The following COP1 variants were observed in gnomAD, a reference collection of about 807,000 sequenced individuals.
The protein encoded by COP1 is COP1 E3 ubiquitin ligase, also known as E3 ubiquitin-protein ligase COP1.
COP1 carries 24 observed loss-of-function variants against 101.3 expected under a neutral mutation model. The ratio of observed to expected loss-of-function variants is 0.24; its 90% CI spans 0.17 to 0.33. The LOEUF (loss-of-function observed/expected upper bound fraction) is 0.33. Ranked by LOEUF, COP1 falls within the 10% of genes least tolerant of loss-of-function variation. The probability of loss-of-function intolerance (pLI) is 1.00; values close to 1 mark genes in which losing one functional copy is unlikely to be tolerated. For synonymous variants in COP1, 347 were observed against 341.9 expected (o/e 1.01, Z -0.17); for missense variants, 663 against 906.2 (o/e 0.73, Z 3.45).
chr1:176,116,200 A>G (rs554208858), intron 9 of COP1, among the ~76,000 whole-genome samples: 1 of 152,094 alleles, frequency 6.6e-6, no homozygotes, highest in South Asian at 2.1e-4. Context: ...CAACACGGTG[A>G]AATCCATCTA....
At chr1:176,197,910 C>T (rs1411258452) in intron 1 of COP1, among the ~76,000 whole-genome samples, 1 of 151,990 alleles carries the variant, frequency 6.6e-6, no homozygotes, top group Non-Finnish European at 1.5e-5. Context: ...ATTTAGAACA[C>T]CATCAAAAAC....
chr1:175,947,916 T>G (rs945169086), intron 18 of COP1, among the ~76,000 whole-genome samples: 1 of 152,230 alleles, frequency 6.6e-6, no homozygotes, highest in Non-Finnish European at 1.5e-5. Flanking sequence ...ACACTCCTTC[T>G]TCATTCATTT....
chr1:175,991,633 A>T (rs748304222), intron 15 of COP1, among the ~76,000 whole-genome samples: 29 of 152,216 alleles, frequency 1.9e-4, no homozygotes, highest in Non-Finnish European at 4.0e-4. Context: ...TCTTGTAATA[A>T]CACTTAGCTT....
At chr1:175,994,246 A>G (rs902193454) in intron 15 of COP1, among the ~76,000 whole-genome samples, 5 of 152,204 alleles carry the variant, frequency 3.3e-5, no homozygotes, top group African/African-American at 4.8e-5. Flanking sequence ...TGAAGGAAGC[A>G]CTAAACATGG....
intron 5 of COP1, among the ~76,000 whole-genome samples, chr1:176,153,745 A>G (rs1241811116): frequency 6.6e-6 from 1 of 152,070 alleles, no homozygotes; most frequent in Non-Finnish European, 1.5e-5. Flanking sequence ...GGCCCTTATT[A>G]TTTTGCGGTA....
At chr1:176,037,977 G>A (rs1461033476) in intron 14 of COP1, among the ~76,000 whole-genome samples, 2 of 152,152 alleles carry the variant, frequency 1.3e-5, no homozygotes, top group African/African-American at 4.8e-5. Context: ...AAGGCATACA[G>A]TTGAAAATGA....
chr1:176,001,232 C>T (rs1661516907), intron 15 of COP1, among the ~76,000 whole-genome samples: 1 of 152,070 alleles, frequency 6.6e-6, no homozygotes, highest in Non-Finnish European at 1.5e-5. Flanking sequence ...GAATTAACAT[C>T]AGAATTGTCT....
At chr1:175,965,766 T>C (rs1183159524) in intron 18 of COP1, among the ~76,000 whole-genome samples, 1 of 152,070 alleles carries the variant, frequency 6.6e-6, no homozygotes, top group Non-Finnish European at 1.5e-5. Flanking sequence ...TTTTTGTATT[T>C]GGAGACGGGG....
chr1:176,185,193 A>G (rs1239188435), intron 1 of COP1, among the ~76,000 whole-genome samples: 7 of 152,222 alleles, frequency 4.6e-5, no homozygotes, highest in Admixed American at 4.6e-4. Context: ...TATTTAAATA[A>G]AACAAACTAT....
At chr1:176,047,444 A>C (rs1418296601) in intron 11 of COP1, among the ~76,000 whole-genome samples, 1 of 152,156 alleles carries the variant, frequency 6.6e-6, no homozygotes, top group African/African-American at 2.4e-5. Flanking sequence ...AACACAAGGT[A>C]GTCTGGTTTC....
intron 9 of COP1, among the ~76,000 whole-genome samples, chr1:176,099,542 C>CTCTCTCT (rs1683017526): frequency 7.4e-6 from 1 of 134,608 alleles, no homozygotes; most frequent in African/African-American, 3.1e-5. Context: ...TCTCTCTCTC[C>CTCTCTCT]CTGGCTTCTC....
intron 2 of COP1, among the ~76,000 whole-genome samples, chr1:176,178,681 G>A (rs981972589): frequency 2.6e-5 from 4 of 151,792 alleles, no homozygotes; most frequent in Admixed American, 2.0e-4. Flanking sequence ...GCAAAACCCC[G>A]TCTCTACTAA....
At position 175,951,164 on chromosome 1, in the gene COP1, G is replaced by A. The variant is rs541426812; in HGVS notation, c.2134-3925C>T. Among the ~76,000 whole-genome samples the A allele has an allele frequency of 1.2e-4, 19 of 152,048 alleles. 2 individuals carry two copies. Among genetic ancestry groups the A allele is most frequent in the Admixed American group, 9.8e-4 (15 of 15,276 alleles). On this transcript the variant is annotated intron_variant, in intron 18 of 19. Coordinates refer to ENST00000367669, the MANE Select transcript of COP1 (RefSeq NM_022457.7). ...CTTGGGAGGCTGAGACAGGAGAATC[G>A]CCTGAACCCGGGAGGTGGAGGCTAT...
chr1:176,008,201 C>T (rs1663873681), intron 15 of COP1, among the ~76,000 whole-genome samples: 1 of 152,198 alleles, frequency 6.6e-6, no homozygotes, highest in South Asian at 2.1e-4. Context: ...CCTGCATCAG[C>T]TCGCGCACGG....
intron 19 of COP1, among the ~76,000 whole-genome samples, chr1:175,946,108 T>G (rs921784105): frequency 6.6e-6 from 1 of 152,138 alleles, no homozygotes; most frequent in African/African-American, 2.4e-5. Context: ...AGAGAGAGAC[T>G]GAGAGAGTAT....
At chr1:175,973,347 G>C (rs562635198) in intron 18 of COP1, among the ~76,000 whole-genome samples, 113 of 152,264 alleles carry the variant, frequency 7.4e-4, no homozygotes, top group Non-Finnish European at 1.4e-3. Context: ...AACTTCTATA[G>C]TTTGCATGTA....
rs543875419 is a variant in COP1, at chr1:176,119,919, A to C, written c.969-3238T>G. Among the ~76,000 whole-genome samples the C allele has an allele frequency of 9.5e-4, 145 of 152,320 alleles. 1 individual carries two copies. The highest frequency in any genetic ancestry group is 3.1e-3 in the African/African-American group (129 of 41,568). On this transcript the variant is annotated intron_variant, in intron 8 of 19. Transcript: ENST00000367669. ...ACTGAGAGATTATATATGTGGCCCA[A>C]GATAACAACACTGGGAAATAGCAGA...
intron 5 of COP1, among the ~76,000 whole-genome samples, chr1:176,151,415 AAG>A (rs1367212516): frequency 1.0e-4 from 15 of 143,434 alleles, no homozygotes; most frequent in South Asian, 9.0e-4. Flanking sequence ...GAAAGAAAGA[AAG>A]AAACATATTT....
At chr1:176,149,766 T>C (rs2149828146) in intron 5 of COP1, among the ~76,000 whole-genome samples, 1 of 152,166 alleles carries the variant, frequency 6.6e-6, no homozygotes, top group Non-Finnish European at 1.5e-5. Flanking sequence ...TCATTTACTG[T>C]TAAAATTCAC....
Sources: gnomAD v4.1 joint callset for allele counts (sites outside exome capture counted in the v4.1 genomes callset) on GRCh38, gnomAD v4.1.1 for gene constraint, MANE v1.5 for transcripts, NCBI Gene and HGNC (gene_info 2026-07-23, HGNC 2026-07-21) for gene names.